Variants in CDK13 observed in about 807,000 individuals in gnomAD.
CDK13 encodes the protein cyclin-dependent kinase 13.
In CDK13, 40 loss-of-function variants were observed where a neutral mutation model predicts 137.6. That is an observed-to-expected ratio of 0.29 (90% CI 0.23 to 0.38). CDK13 has a LOEUF of 0.38. CDK13 is among the 10% of genes least tolerant of loss of function. The pLI is 1.00. For missense variants in CDK13, 1,704 were observed against 1,951.8 expected (o/e 0.87, Z 2.39); for synonymous variants, 869 against 760.1 (o/e 1.14, Z -2.36).
At chr7:40,038,210 A>T (rs699514) in intron 5 of CDK13, among the ~76,000 whole-genome samples, 8,504 of 152,042 alleles carry the variant, frequency 0.056, 314 homozygotes, top group Non-Finnish European at 0.085. Flanking sequence ...TTTATATATA[A>T]AAAAAGGTAG....
At chr7:39,966,371 A>G (rs1055490758) in intron 1 of CDK13, among the ~76,000 whole-genome samples, 14 of 151,862 alleles carry the variant, frequency 9.2e-5, no homozygotes, top group Non-Finnish European at 1.3e-4. Flanking sequence ...ATCTTCCATC[A>G]CTGATACCCT....
rs754686828 is a variant in CDK13, at chr7:40,062,914, G to A, written c.2689G>A (p.Val897Ile). 1.9e-6 allele frequency: 3 copies of A among 1,612,846 alleles called. No homozygotes were observed. The highest frequency in any genetic ancestry group is 2.2e-5 in the East Asian group (1 of 44,864). The change falls in exon 8 of 14, where the codon GTA (valine) becomes ATA (isoleucine). Residue 897 changes from valine to isoleucine, a missense_variant. Physicochemically the swap from Val to Ile is conservative, Grantham distance 29 (BLOSUM62 3). Transcript: ENST00000181839. The part of the protein sequence containing the change: ...GEERYTPAID[V>I]WSCGCILGEL... Reference sequence around the variant, plus strand: ...AGAACGATACACACCAGCCATTGATGTATGGAGCTGTGGGTAAGATAGCCT... The same window carrying A: ...AGAACGATACACACCAGCCATTGATATATGGAGCTGTGGGTAAGATAGCCT...
intron 2 of CDK13, among the ~76,000 whole-genome samples, chr7:39,991,994 G>A (rs1000968213): frequency 2.2e-4 from 34 of 152,064 alleles, no homozygotes; most frequent in African/African-American, 8.0e-4. Context: ...CGAGGATGCA[G>A]TGAGCTGTGA....
At chr7:39,988,334 C>T (rs923142592) in intron 2 of CDK13, 76 bp downstream of exon 2, 2 of 1,115,162 alleles carry the variant, frequency 1.8e-6, no homozygotes, top group Non-Finnish European at 2.6e-6. Flanking sequence ...AGTTGACCTC[C>T]CCTAACCCCC....
intron 1 of CDK13, among the ~76,000 whole-genome samples, chr7:39,970,522 A>G (rs1583924010): frequency 6.6e-6 from 1 of 150,890 alleles, no homozygotes; most frequent in Admixed American, 6.6e-5. Flanking sequence ...GTGCAATGGC[A>G]TGATCTTGGC....
intron 12 of CDK13, among the ~76,000 whole-genome samples, chr7:40,090,546 G>T (rs538417848): frequency 6.6e-6 from 1 of 152,188 alleles, no homozygotes; most frequent in South Asian, 2.1e-4. Flanking sequence ...TAGAGATGAG[G>T]TTTTGCCATG....
chr7:39,971,159 C>T (rs190649217), intron 1 of CDK13, among the ~76,000 whole-genome samples: 1 of 152,300 alleles, frequency 6.6e-6, no homozygotes, highest in East Asian at 1.9e-4. Flanking sequence ...TCTTAAGCAC[C>T]TAGTACAGCA....
chr7:40,076,981 C>A (rs1786558732), intron 9 of CDK13, among the ~76,000 whole-genome samples: 1 of 151,548 alleles, frequency 6.6e-6, no homozygotes, highest in South Asian at 2.1e-4. Flanking sequence ...CTACCTATTA[C>A]TAAATCAGTT....
In CDK13 at chr7:39,950,908, C is replaced by G. The variant is rs1366158446; in HGVS notation, c.267C>G (p.Val89=). 5 of 1,333,742 alleles carry G rather than the reference C, an allele frequency of 3.7e-6. No individual in the cohort carries two copies. Among genetic ancestry groups the G allele is most frequent in the Non-Finnish European group, 3.8e-6 (4 of 1,050,116 alleles). The allele number at this position is 1,333,742 out of a possible 1,614,324, so 82.6% of individuals were successfully genotyped here. The stretch of plus-strand genomic sequence containing the variant: ...TCAGCCCGGGCCCCCCTCTGGAGGT[C>G]AAGCGGCTGGCGAGAGGCAAGAGGC... The part of the protein sequence containing the change: ...SCFSPGPPLE[V]KRLARGKRRA... Residue 89 remains valine, a synonymous_variant, in exon 1 of 14, where the codon GTC becomes GTG. Transcript: ENST00000181839.
At chr7:40,034,118 C>CTAA (rs904973825) in intron 5 of CDK13, among the ~76,000 whole-genome samples, 64 of 152,252 alleles carry the variant, frequency 4.2e-4, no homozygotes, top group African/African-American at 1.5e-3. Flanking sequence ...TTGTTAAAAA[C>CTAA]TGACAAAATG....
In CDK13 at chr7:40,055,572, A is replaced by ATT. The variant is rs1202058166; in HGVS notation, c.2601-7235_2601-7234dup. On this transcript the variant is annotated intron_variant, in intron 7 of 13. Coordinates refer to ENST00000181839, the MANE Select transcript of CDK13 (RefSeq NM_003718.5). ...TGAAATTCATTTTTGAGGATTCTGGATTTTTTTTTTTTTTTTTTTTGAGAC... is the reference window on the plus strand; with the variant it reads ...TGAAATTCATTTTTGAGGATTCTGGATTTTTTTTTTTTTTTTTTTTTTGAGAC... Among the ~76,000 whole-genome samples, 127 of 128,610 alleles carry ATT rather than the reference A, an allele frequency of 9.9e-4. 2 individuals are homozygous for ATT. Among genetic ancestry groups the ATT allele is most frequent in the South Asian group, 9.2e-3 (36 of 3,930 alleles). The allele number at this position is 128,610 out of a possible 152,430, so 84.4% of individuals were successfully genotyped here.
chr7:40,066,017 T>C (rs77426597), intron 9 of CDK13, among the ~76,000 whole-genome samples: 4,617 of 152,212 alleles, frequency 0.03, 228 homozygotes, highest in African/African-American at 0.1. Context: ...AGAACTTGTC[T>C]CTACAAATTA....
At chr7:40,031,451 G>GAA (rs1562739047) in intron 5 of CDK13, among the ~76,000 whole-genome samples, 171 of 152,136 alleles carry the variant, frequency 1.1e-3, no homozygotes, top group African/African-American at 4.0e-3. Context: ...CAACCTAGGG[G>GAA]GCAGAGGCTG....
chr7:39,975,241 TTG>T (rs1323593554), intron 1 of CDK13, among the ~76,000 whole-genome samples: 1 of 151,962 alleles, frequency 6.6e-6, no homozygotes, highest in South Asian at 2.1e-4. Flanking sequence ...TGGCAAAAAC[TTG>T]TCTCTACAGA....
At chr7:40,088,783 A>T (rs1786848108) in intron 12 of CDK13, among the ~76,000 whole-genome samples, 2 of 152,106 alleles carry the variant, frequency 1.3e-5, no homozygotes, top group Admixed American at 6.6e-5. Context: ...TATATTAAAG[A>T]ATCTTAAAGA....
chr7:40,044,530 G>C (rs1380064795), intron 5 of CDK13, among the ~76,000 whole-genome samples: 1 of 151,970 alleles, frequency 6.6e-6, no homozygotes, highest in African/African-American at 2.4e-5. Context: ...TGTTGCCCAG[G>C]CTGGTTTCAT....
At chr7:40,048,601 T>TCACTTAAACCTGGGAGGCGGAGGTTGCAG (rs1562748617) in intron 7 of CDK13, 3 of 151,828 alleles carry the variant, frequency 2.0e-5, no homozygotes, top group African/African-American at 7.3e-5. Context: ...AGTTAAAGAA[T>TCACTTAAACCTGGGAGGCGGAGGTTGCAG]TTTAAAATTA....
chr7:40,080,749 TA>T (rs1463465127), intron 11 of CDK13, among the ~76,000 whole-genome samples: 2 of 152,232 alleles, frequency 1.3e-5, no homozygotes, highest in Non-Finnish European at 2.9e-5. Context: ...TATTCATGTA[TA>T]TCCTTTACCT....
intron 5 of CDK13, among the ~76,000 whole-genome samples, chr7:40,011,618 C>T (rs889560198): frequency 1.3e-5 from 2 of 152,132 alleles, no homozygotes; most frequent in African/African-American, 4.8e-5. Flanking sequence ...CTTCATACCT[C>T]ATACAATAAT....
Sources: gnomAD v4.1 joint callset for allele counts (sites outside exome capture counted in the v4.1 genomes callset) on GRCh38, gnomAD v4.1.1 for gene constraint, MANE v1.5 for transcripts, NCBI Gene and HGNC (gene_info 2026-07-23, HGNC 2026-07-21) for gene names.